Variants in ZNF362 observed in about 807,000 individuals in gnomAD.
ZNF362 encodes rotund homolog.
Under a neutral mutation model 42.9 loss-of-function variants are expected in ZNF362, and 11 were observed. The ratio of observed to expected loss-of-function variants is 0.26; its 90% CI spans 0.16 to 0.42. The LOEUF (loss-of-function observed/expected upper bound fraction) is 0.42, where lower values mean the gene tolerates loss of function less well. Ranked by LOEUF, ZNF362 falls within the 20% of genes least tolerant of loss-of-function variation. The pLI is 1.00. For synonymous variants in ZNF362, 255 were observed against 257.3 expected, an observed-to-expected ratio of 0.99 and a Z score of 0.09; for missense variants, 362 against 576.2, an observed-to-expected ratio of 0.63 and a Z score of 3.81.
At chr1:33,210,622 A>G in the ZNF362 span, among the ~76,000 whole-genome samples, 1 of 152,130 alleles carries the variant, frequency 6.6e-6, no homozygotes, top group Non-Finnish European at 1.5e-5. Flanking sequence ...TATTGGGTGC[A>G]TATATATTTA....
the ZNF362 span, among the ~76,000 whole-genome samples, chr1:33,230,978 T>C: frequency 6.6e-6 from 1 of 152,226 alleles, no homozygotes; most frequent in African/African-American, 2.4e-5. Flanking sequence ...GTTGCTAGAC[T>C]GAAAATCTCT....
chr1:33,230,690 A>G, the ZNF362 span, among the ~76,000 whole-genome samples: 14 of 152,244 alleles, frequency 9.2e-5, no homozygotes, highest in Admixed American at 8.5e-4. Flanking sequence ...TTGGTTATAC[A>G]GCAGCGCAAG....
chr1:33,248,405 CT>C, the ZNF362 span, among the ~76,000 whole-genome samples: 1 of 152,240 alleles, frequency 6.6e-6, no homozygotes, highest in East Asian at 1.9e-4. Context: ...TCTTCACCCT[CT>C]GGCTAAGAGA....
the ZNF362 span, among the ~76,000 whole-genome samples, chr1:33,186,766 A>G: frequency 2.3e-3 from 1 of 434 alleles, no homozygotes; most frequent in Non-Finnish European, 0.015. Flanking sequence ...AGATCCCGCC[A>G]CTGCACTCCA....
chr1:33,170,746 G>C, the ZNF362 span, among the ~76,000 whole-genome samples: 1 of 152,140 alleles, frequency 6.6e-6, no homozygotes, highest in Non-Finnish European at 1.5e-5. Context: ...CTCCTTCCTT[G>C]GTTAGAAGAC....
chr1:33,165,134 A>C, the ZNF362 span: 1 of 210,326 alleles, frequency 4.8e-6, no homozygotes, highest in African/African-American at 2.3e-5. This position sits in a 1 kb window ranked among gnomAD's most constrained non-coding sequence, Gnocchi z 4.0. Flanking sequence ...GACTGAGCAC[A>C]TTCCCCAGCC....
At chr1:33,235,456 A>C in the ZNF362 span, among the ~76,000 whole-genome samples, 2 of 152,184 alleles carry the variant, frequency 1.3e-5, no homozygotes, top group African/African-American at 2.4e-5. Context: ...GTCTCCAGCA[A>C]ACTCCAGGCT....
chr1:33,288,730 CGA>C (rs1281177547), intron 6 of ZNF362, among the ~76,000 whole-genome samples: 1 of 71,700 alleles, frequency 1.4e-5, no homozygotes, highest in Non-Finnish European at 2.8e-5. Flanking sequence ...GGCGATAGAG[CGA>C]GACTCTGTCT....
chr1:33,293,380 CAT>C (rs72012726), intron 6 of ZNF362, among the ~76,000 whole-genome samples: 8,576 of 152,198 alleles, frequency 0.056, 325 homozygotes, highest in African/African-American at 0.11. Flanking sequence ...GCTTGAATGA[CAT>C]ATAAGGAATT....
the ZNF362 span, among the ~76,000 whole-genome samples, chr1:33,169,570 ATT>A: frequency 6.6e-6 from 1 of 152,102 alleles, no homozygotes; most frequent in Non-Finnish European, 1.5e-5. Context: ...AGATTTCCAC[ATT>A]GTCTGGGAAG....
At chr1:33,292,856 A>G (rs1418149184) in intron 6 of ZNF362, among the ~76,000 whole-genome samples, 1 of 152,238 alleles carries the variant, frequency 6.6e-6, no homozygotes, top group African/African-American at 2.4e-5. Flanking sequence ...GAGTTGGTCC[A>G]GATGACCCTT....
chr1:33,183,108 C>T, the ZNF362 span, among the ~76,000 whole-genome samples: 2 of 152,268 alleles, frequency 1.3e-5, no homozygotes, highest in African/African-American at 4.8e-5. Flanking sequence ...GTGCTGTTGT[C>T]ATCGTGCCTG....
chr1:33,159,592 C>T, the ZNF362 span: 5 of 1,452,408 alleles, frequency 3.4e-6, no homozygotes, highest in African/African-American at 2.8e-5. This position sits in a 1 kb window ranked among gnomAD's most constrained non-coding sequence, Gnocchi z 4.2. Flanking sequence ...TGAAAGAATT[C>T]TCTGCTAAGG....
At chr1:33,189,657 A>ACGTT in the ZNF362 span, among the ~76,000 whole-genome samples, 1 of 102,010 alleles carries the variant, frequency 9.8e-6, no homozygotes, top group Non-Finnish European at 1.9e-5. Flanking sequence ...ATATATATAT[A>ACGTT]TATATATATA....
chr1:33,174,413 G>C, the ZNF362 span, among the ~76,000 whole-genome samples: 4 of 152,006 alleles, frequency 2.6e-5, no homozygotes, highest in Non-Finnish European at 4.4e-5. Flanking sequence ...CGAACTTCTG[G>C]GCTCAAGCAA....
intron 6 of ZNF362, among the ~76,000 whole-genome samples, chr1:33,291,497 G>A (rs1261673572): frequency 2.6e-5 from 4 of 152,198 alleles, no homozygotes; most frequent in Admixed American, 2.6e-4. Context: ...GTCAGGTAGC[G>A]TGATGCTTCC....
the ZNF362 span, among the ~76,000 whole-genome samples, chr1:33,236,942 A>T: frequency 2.6e-5 from 4 of 151,900 alleles, no homozygotes; most frequent in African/African-American, 9.7e-5. Flanking sequence ...GTGGTGGTAC[A>T]TGCCTGTAAT....
At position 33,266,146 on chromosome 1, in the gene ZNF362, C is replaced by G. The variant is rs1645863361; in HGVS notation, c.-88-4341C>G. Among the ~76,000 whole-genome samples, 1 of 152,232 alleles carries G rather than the reference C, an allele frequency of 6.6e-6. No individual in the cohort carries two copies. Among genetic ancestry groups the G allele is most frequent in the African/African-American group, 2.4e-5 (1 of 41,464 alleles). On this transcript the variant is annotated intron_variant, in intron 1 of 8. Coordinates refer to ENST00000539719, the MANE Select transcript of ZNF362 (RefSeq NM_152493.3). This position sits in a 1 kb window ranked among gnomAD's most constrained non-coding sequence, Gnocchi z 4.3. ...CTGACTGCAGCAGTAGCTGTTGCCC[C>G]TCTCTGGGGGCAGGGATTATGTTTG...
intron 1 of ZNF362, among the ~76,000 whole-genome samples, chr1:33,259,582 T>C (rs1017939670): frequency 6.6e-6 from 1 of 152,248 alleles, no homozygotes; most frequent in Non-Finnish European, 1.5e-5. Context: ...CATTATCCAT[T>C]AATTAGTTTA....
Sources: allele counts gnomAD v4.1 joint callset (sites outside exome capture counted in the v4.1 genomes callset), GRCh38; gene constraint gnomAD v4.1.1; non-coding constraint Gnocchi (gnomAD v3.1); transcripts MANE v1.5; gene names NCBI Gene and HGNC (gene_info 2026-07-23, HGNC 2026-07-21).